The following PTPRS variants were observed in gnomAD, a reference collection of about 807,000 sequenced individuals.
PTPRS encodes the protein receptor-type tyrosine-protein phosphatase S.
In PTPRS, 63 loss-of-function variants were observed where a neutral mutation model predicts 215.3. The ratio of observed to expected loss-of-function variants is 0.29; its 90% CI spans 0.24 to 0.36. The LOEUF (loss-of-function observed/expected upper bound fraction) is 0.36, where lower values mean the gene tolerates loss of function less well. Among genes scored for constraint, PTPRS ranks in the 10% least tolerant of loss-of-function variants. PTPRS has a pLI of 1.00. For synonymous variants in PTPRS, 1,404 were observed against 1,191.4 expected, an observed-to-expected ratio of 1.18 and a Z score of -3.68; for missense variants, 2,258 against 2,825.8, an observed-to-expected ratio of 0.80 and a Z score of 4.56.
intron 1 of PTPRS, among the ~76,000 whole-genome samples, chr19:5,322,879 C>CAAAAA (rs60988670): frequency 3.5e-4 from 23 of 65,814 alleles, no homozygotes; most frequent in South Asian, 7.8e-4. Context: ...AACTCCGTCT[C>CAAAAA]AAAAAAAAAA....
At chr19:5,260,163 G>T (rs2045872979) in intron 7 of PTPRS, among the ~76,000 whole-genome samples, 1 of 151,374 alleles carries the variant, frequency 6.6e-6, no homozygotes, top group Non-Finnish European at 1.5e-5. Context: ...GGCCCACTTT[G>T]CATGTTCGTT....
intron 2 of PTPRS, 95 bp downstream of exon 2, chr19:5,285,955 G>A (rs2048318336): frequency 6.8e-6 from 8 of 1,169,968 alleles, no homozygotes; most frequent in African/African-American, 6.2e-5. Context: ...GGGCCCCAGG[G>A]AGGAGGTGGG....
At chr19:5,333,537 G>A (rs928346441) in intron 1 of PTPRS, among the ~76,000 whole-genome samples, 18 of 151,080 alleles carry the variant, frequency 1.2e-4, no homozygotes, top group Non-Finnish European at 2.4e-4. Context: ...AATGCGATTC[G>A]AACTCCTTGG....
intron 1 of PTPRS, chr19:5,292,695 G>C (rs2048923081): frequency 6.6e-6 from 1 of 152,354 alleles, no homozygotes; most frequent in Admixed American, 6.5e-5. Flanking sequence ...GGGTGGCTAA[G>C]AGCAGGGATT....
intron 1 of PTPRS, among the ~76,000 whole-genome samples, chr19:5,318,393 G>A (rs1199141624): frequency 2.0e-5 from 3 of 152,062 alleles, no homozygotes; most frequent in African/African-American, 7.2e-5. Context: ...GAAATGCTGC[G>A]AGACGGAATG....
chr19:5,326,817 G>T (rs1706117406), intron 1 of PTPRS, among the ~76,000 whole-genome samples: 1 of 150,920 alleles, frequency 6.6e-6, no homozygotes. Flanking sequence ...GAGGATAGAA[G>T]TAAAGAAAGA....
At chr19:5,250,683 G>C (rs1374506229) in intron 9 of PTPRS, among the ~76,000 whole-genome samples, 3 of 150,444 alleles carry the variant, frequency 2.0e-5, no homozygotes, top group Middle Eastern at 3.5e-3. Flanking sequence ...GGCAGGTTGT[G>C]GGGGGTGGTC....
At position 5,285,816 on chromosome 19, in the gene PTPRS, C is replaced by G. The variant is rs372512228; in HGVS notation, c.91+234G>C. Among the ~76,000 whole-genome samples, 8 of 152,342 alleles carry G rather than the reference C, an allele frequency of 5.3e-5. No individual in the cohort carries two copies. In the South Asian group the frequency reaches 1.5e-3, roughly 28 times the overall value. On this transcript the variant is annotated intron_variant, in intron 2 of 37. Coordinates refer to ENST00000262963, the MANE Select transcript of PTPRS (RefSeq NM_002850.4). ...ATGCTGGGGAAACAGACGCCGTCAT[C>G]ATCATTACGGTTATTACTTTATGAA...
At chr19:5,236,223 A>C (rs2043431246) in intron 13 of PTPRS, among the ~76,000 whole-genome samples, 1 of 152,124 alleles carries the variant, frequency 6.6e-6, no homozygotes, top group South Asian at 2.1e-4. Flanking sequence ...AACACCTCTC[A>C]ATCTTGCCGA....
chr19:5,297,377 T>G (rs536696973), intron 1 of PTPRS, among the ~76,000 whole-genome samples: 64 of 152,296 alleles, frequency 4.2e-4, no homozygotes, highest in African/African-American at 1.1e-3. Context: ...AGAAACTGTT[T>G]CATGCGGCCG....
At chr19:5,208,425 T>TC (rs2040562811) in intron 35 of PTPRS, 34 bp from the exon 36 acceptor site, 10 of 1,506,204 alleles carry the variant, frequency 6.6e-6, no homozygotes, top group Non-Finnish European at 8.9e-6. Context: ...TGTTATCAGG[T>TC]CAGCAGCGGC....
At position 5,220,247 on chromosome 19, in the gene PTPRS, C is replaced by A. The variant is rs374754275; in HGVS notation, c.3549+13G>T. ...TGCATCTGGGCCCTGCGGGTTGGGC[C>A]CCAGGCCCTCACCTCTTCCAGATCC... On this transcript the variant is annotated intron_variant, in intron 21 of 37. Coordinates refer to ENST00000262963, the MANE Select transcript of PTPRS (RefSeq NM_002850.4). 1 of 1,613,232 alleles carries A rather than the reference C, an allele frequency of 6.2e-7. No homozygotes were observed. Among genetic ancestry groups the A allele is most frequent in the Non-Finnish European group, 8.5e-7 (1 of 1,179,558 alleles).
intron 1 of PTPRS, among the ~76,000 whole-genome samples, chr19:5,312,195 T>C (rs1046614138): frequency 2.6e-5 from 4 of 152,076 alleles, no homozygotes; most frequent in East Asian, 3.9e-4. Flanking sequence ...GGCATGTAGA[T>C]GGCATACTAC....
At position 5,240,186 on chromosome 19, in the gene PTPRS, C is replaced by A. The variant is rs376563180; in HGVS notation, c.1704+13G>T. On this transcript the variant is annotated intron_variant, in intron 12 of 37. Coordinates refer to ENST00000262963, the MANE Select transcript of PTPRS (RefSeq NM_002850.4). ...AGCCCAGGGCAGGCCAGCCCGTCCC[C>A]GCGCTGCCTCACCTCCCGGCCATGG... The A allele has an allele frequency of 3.3e-6, 5 of 1,528,974 alleles. No homozygotes were observed. The African/African-American group carries it at 4.1e-5, about 13-fold the overall frequency. 94.7% of individuals were successfully genotyped at this position (1,528,974 alleles called of 1,614,324 possible). A position where few individuals can be genotyped will look rare whatever the true frequency, so the allele number is the denominator to read the frequency against.
intron 4 of PTPRS, among the ~76,000 whole-genome samples, chr19:5,270,896 C>T (rs1599841410): frequency 1.3e-5 from 2 of 152,150 alleles, no homozygotes; most frequent in Admixed American, 6.5e-5. Flanking sequence ...CCACTTGCCT[C>T]GGCCTCCCAA....
chr19:5,319,133 C>G (rs983407306), intron 1 of PTPRS, among the ~76,000 whole-genome samples: 3 of 152,144 alleles, frequency 2.0e-5, no homozygotes, highest in Non-Finnish European at 4.4e-5. Flanking sequence ...ATCCCAAGGC[C>G]GGGCGCAGTG....
intron 22 of PTPRS, 141 bp downstream of exon 22, chr19:5,219,798 C>G: frequency 6.9e-6 from 7 of 1,011,442 alleles, no homozygotes; most frequent in Non-Finnish European, 1.0e-5. Context: ...AGGATCCCTC[C>G]GCTCCCAAGT....
rs374874270 is a variant in PTPRS, at chr19:5,324,054, A to G, written c.-95+16610T>C. 1.2e-3 allele frequency among the ~76,000 whole-genome samples: 180 copies of G among 152,052 alleles called. 1 individual carries two copies. The highest frequency in any genetic ancestry group is 3.9e-3 in the African/African-American group (162 of 41,480). ...AAACCAGCCTGGCCAACATGGTGAA[A>G]CCCCATCTCTACAAAAAATACAAAA... On this transcript the variant is annotated intron_variant, in intron 1 of 37. Transcript: ENST00000262963.
intron 1 of PTPRS, among the ~76,000 whole-genome samples, chr19:5,331,393 A>G (rs1242153022): frequency 6.6e-6 from 1 of 151,980 alleles, no homozygotes; most frequent in Non-Finnish European, 1.5e-5. Flanking sequence ...TTAACCTCCC[A>G]AAGTGTTGGG....
Sources: gnomAD v4.1 joint callset for allele counts (sites outside exome capture counted in the v4.1 genomes callset) on GRCh38, gnomAD v4.1.1 for gene constraint, MANE v1.5 for transcripts, NCBI Gene and HGNC (gene_info 2026-07-23, HGNC 2026-07-21) for gene names.